Variants in LPIN1 observed in about 807,000 individuals in gnomAD.
LPIN1 encodes the protein phosphatidate phosphatase LPIN1.
A neutral mutation model predicts 107.5 loss-of-function variants in LPIN1; 71 were observed. The ratio of observed to expected loss-of-function variants is 0.66; its 90% confidence interval spans 0.55 to 0.80. LPIN1 has a LOEUF of 0.80. Ranked by LOEUF, LPIN1 falls within the 30% of genes least tolerant of loss-of-function variation. The pLI is 0.00. For missense variants in LPIN1, 1,043 were observed against 1,160.6 expected (o/e 0.90, Z 1.47); for synonymous variants, 445 against 452.6 (o/e 0.98, Z 0.21).
intron 2 of LPIN1, among the ~76,000 whole-genome samples, chr2:11,714,101 C>T (rs146061123): frequency 3.3e-4 from 50 of 152,362 alleles, no homozygotes; most frequent in African/African-American, 1.2e-3. Flanking sequence ...AAAAAGCCTT[C>T]AATGGCTCCC....
intron 2 of LPIN1, 97 bp from the exon 3 acceptor site, chr2:11,767,666 C>T (rs138249656): frequency 5.1e-6 from 4 of 787,346 alleles, no homozygotes; most frequent in East Asian, 2.5e-5. Flanking sequence ...AGGGTGTATG[C>T]GATGATAGCG....
chr2:11,814,168 G>A (rs1362143210), intron 17 of LPIN1, among the ~76,000 whole-genome samples: 1 of 152,016 alleles, frequency 6.6e-6, no homozygotes, highest in Non-Finnish European at 1.5e-5. Flanking sequence ...TGGCTGCTGA[G>A]GAGGAGAACA....
chr2:11,680,225 C>G (rs1661640523), intron 1 of LPIN1, among the ~76,000 whole-genome samples: 1 of 152,050 alleles, frequency 6.6e-6, no homozygotes, highest in African/African-American at 2.4e-5. Context: ...AAAAGTGGCT[C>G]AGCCACCATA....
chr2:11,782,340 T>G lies in LPIN1; in HGVS notation c.1097T>G (p.Leu366Arg). 2.5e-6 allele frequency: 4 copies of G among 1,614,170 alleles called. No homozygotes were observed. The highest frequency in any genetic ancestry group is 2.5e-6 in the Non-Finnish European group (3 of 1,180,034). The part of the protein sequence containing the change: ...DQSPTLVGGA[L>R]LDQNKPQTEM... ...TCGCCAACTCTGGTCGGTGGGGCAC[T>G]TTTGGACCAGAACAAGCCTCAGACA... is the stretch of plus-strand genomic sequence containing the variant. Residue 366 changes from leucine (L) to arginine (R), a missense_variant, in exon 8 of 21, where the codon CTT (leucine) becomes CGT (arginine). By Grantham distance (102) the Leu-to-Arg change is moderately radical (BLOSUM62 -2). Coordinates refer to ENST00000674199, the MANE Select transcript of LPIN1 (RefSeq NM_001349206.2).
chr2:11,752,711 G>A (rs1003457317), intron 1 of LPIN1, among the ~76,000 whole-genome samples: 3 of 152,036 alleles, frequency 2.0e-5, no homozygotes, highest in Non-Finnish European at 4.4e-5. Context: ...GATTACAGGC[G>A]TGAGCCACCG....
chr2:11,750,385 T>C (rs1243353405), intron 1 of LPIN1, among the ~76,000 whole-genome samples: 1 of 152,310 alleles, frequency 6.6e-6, no homozygotes, highest in South Asian at 2.1e-4. Flanking sequence ...TTTGGGCAAA[T>C]GAGAATGTGG....
intron 1 of LPIN1, among the ~76,000 whole-genome samples, chr2:11,750,517 G>A (rs1667629378): frequency 6.6e-6 from 1 of 152,240 alleles, no homozygotes; most frequent in Non-Finnish European, 1.5e-5. Context: ...TCTGGCAAGA[G>A]ACGTTATTCA....
chr2:11,765,859 C>A lies in LPIN1; in HGVS notation c.192+126C>A. The stretch of plus-strand genomic sequence containing the variant: ...TAGGTCTTCGTTGGAAATGGCCAGT[C>A]ACGGAACTGACAGTGACTAATTGAA... On this transcript the variant is annotated intron_variant, in intron 2 of 20. Coordinates refer to ENST00000674199, the MANE Select transcript of LPIN1 (RefSeq NM_001349206.2). The surrounding 1 kb of genome is among the most constrained non-coding windows in gnomAD (Gnocchi z 4.4). 1.3e-6 allele frequency: 1 copy of A among 767,518 alleles called. No homozygotes were observed. Among genetic ancestry groups the A allele is most frequent in the African/African-American group, 1.7e-5 (1 of 57,236 alleles). The allele number at this position is 767,518 out of a possible 1,614,324, so 47.5% of individuals were successfully genotyped here. A position where few individuals can be genotyped will look rare whatever the true frequency, so the allele number is the denominator to read the frequency against.
rs758491333 is a variant in LPIN1 at position 11,824,625 on chromosome 2, C to T, written c.2622-7C>T. On this transcript the variant is annotated splice_region_variant and splice_polypyrimidine_tract_variant and intron_variant, in intron 20 of 20. Transcript: ENST00000674199. The stretch of plus-strand genomic sequence containing the variant: ...CAGTGCCAGTGACAATGTCCCTTTC[C>T]TTCCAGGTATGTGAGACTCTGTGAA... The T allele has an allele frequency of 2.5e-6, 4 of 1,614,090 alleles. No individual in the cohort carries two copies. In the South Asian group the frequency reaches 4.4e-5, roughly 18 times the overall value.
intron 1 of LPIN1, among the ~76,000 whole-genome samples, chr2:11,749,288 G>A (rs890015031): frequency 6.6e-5 from 10 of 152,280 alleles, no homozygotes; most frequent in African/African-American, 2.4e-4. Context: ...AGGGGCCCAT[G>A]CCTGTGTGTC....
At chr2:11,763,212 A>T (rs2148612904) in intron 1 of LPIN1, 2 of 152,684 alleles carry the variant, frequency 1.3e-5, no homozygotes, top group Middle Eastern at 3.4e-3. Context: ...GCATGACCCC[A>T]TGAAGCCCAG....
intron 14 of LPIN1, among the ~76,000 whole-genome samples, chr2:11,798,600 G>A (rs531555125): frequency 2.3e-4 from 35 of 152,206 alleles, no homozygotes; most frequent in Middle Eastern, 3.4e-3. Flanking sequence ...TGGACCATTC[G>A]CCATTCTGAG....
intron 1 of LPIN1, among the ~76,000 whole-genome samples, chr2:11,749,009 C>T (rs1160829958): frequency 6.6e-6 from 1 of 152,134 alleles, no homozygotes; most frequent in East Asian, 1.9e-4. Context: ...CTGGAATCAC[C>T]CACTAGCAGC....
chr2:11,771,805 C>A lies in LPIN1; in HGVS notation c.596+126C>A, dbSNP rs1310610047. The stretch of plus-strand genomic sequence containing the variant: ...TGTGTTTTAGACCAGTGGTCCCCAA[C>A]CTTTTTGGCACTAGGGACCAGTTTT... On this transcript the variant is annotated intron_variant, in intron 4 of 20. Transcript: ENST00000674199. The surrounding 1 kb of genome is among the most constrained non-coding windows in gnomAD (Gnocchi z 4.8). 3 of 1,037,336 alleles carry A rather than the reference C, an allele frequency of 2.9e-6. No homozygotes were observed. The highest frequency in any genetic ancestry group is 1.6e-5 in the South Asian group (1 of 60,842). 64.3% of individuals were successfully genotyped at this position (1,037,336 alleles called of 1,614,324 possible).
rs900532369 is a variant in LPIN1, at chr2:11,741,186, C to T, written c.-71-163C>T. The T allele has an allele frequency of 5.9e-6, 3 of 511,434 alleles. No individual in the cohort carries two copies. In the African/African-American group the frequency reaches 5.9e-5, roughly 10 times the overall value. 31.7% of individuals were successfully genotyped at this position (511,434 alleles called of 1,614,324 possible). ...AGATGTCAGCCCTGAGGCTTAGCAT[C>T]CCCATAGAGGGACTGACCAGGAGCC... On this transcript the variant is annotated intron_variant, in intron 1 of 21. Coordinates refer to the LPIN1 transcript ENST00000396097.
intron 1 of LPIN1, among the ~76,000 whole-genome samples, chr2:11,703,925 T>C (rs1663006155): frequency 6.6e-6 from 1 of 152,206 alleles, no homozygotes; most frequent in Admixed American, 6.5e-5. Context: ...GACTCTGCGG[T>C]ATGTGACTGG....
intron 1 of LPIN1, among the ~76,000 whole-genome samples, chr2:11,762,823 G>A (rs1052106268): frequency 6.6e-6 from 1 of 152,188 alleles, no homozygotes; most frequent in Non-Finnish European, 1.5e-5. Flanking sequence ...TTTCTACACA[G>A]CAGGTTTGTG....
chr2:11,740,712 GAAAGA>G (rs944138418), intron 1 of LPIN1, among the ~76,000 whole-genome samples: 9 of 115,916 alleles, frequency 7.8e-5, no homozygotes, highest in South Asian at 2.5e-4. Context: ...AAGGAAGAAA[GAAAGA>G]AAAGAAAAGA....
chr2:11,769,010 A>G (rs1221653263), intron 3 of LPIN1, among the ~76,000 whole-genome samples: 1 of 152,172 alleles, frequency 6.6e-6, no homozygotes, highest in African/African-American at 2.4e-5. Flanking sequence ...TAGCCGTTGT[A>G]AACAACATGG....
Sources: allele counts gnomAD v4.1 joint callset (sites outside exome capture counted in the v4.1 genomes callset), GRCh38; gene constraint gnomAD v4.1.1; non-coding constraint Gnocchi (gnomAD v3.1); transcripts MANE v1.5; gene names NCBI Gene and HGNC (gene_info 2026-07-23, HGNC 2026-07-21).